BRWD1: variants seen among roughly 807,000 people sequenced by gnomAD.
BRWD1 encodes the protein bromodomain and WD repeat domain containing 1.
A neutral mutation model predicts 251.2 loss-of-function variants in BRWD1; 82 were observed. The ratio of observed to expected loss-of-function variants is 0.33; its 90% CI spans 0.27 to 0.39. The LOEUF (loss-of-function observed/expected upper bound fraction) is 0.39. Ranked by LOEUF, BRWD1 falls within the 10% of genes least tolerant of loss-of-function variation. The probability of loss-of-function intolerance (pLI) is 1.00; values close to 1 mark genes in which losing one functional copy is unlikely to be tolerated. For synonymous variants in BRWD1, 918 were observed against 902.8 expected, an observed-to-expected ratio of 1.02 and a Z score of -0.30; for missense variants, 2,233 against 2,711.6, an observed-to-expected ratio of 0.82 and a Z score of 3.92.
At chr21:39,207,562 A>AAAAAGGTGC (rs1002811547) in intron 36 of BRWD1, among the ~76,000 whole-genome samples, 25 of 152,004 alleles carry the variant, frequency 1.6e-4, no homozygotes, top group African/African-American at 5.6e-4. Flanking sequence ...GCGGGAATGT[A>AAAAAGGTGC]AAAAGGTGCA....
chr21:39,277,482 T>C, intron 10 of BRWD1, 131 bp from the exon 11 acceptor site: 1 of 582,116 alleles, frequency 1.7e-6, no homozygotes. Context: ...CAGTTACATT[T>C]TCTGACTCAC....
chr21:39,320,638 A>G (rs903767709), intron 1 of BRWD1, among the ~76,000 whole-genome samples: 1 of 149,590 alleles, frequency 6.7e-6, no homozygotes, highest in Non-Finnish European at 1.5e-5. Flanking sequence ...CAAGCCGTTA[A>G]TCTCTTTTCA....
In BRWD1 at chr21:39,228,901, A is replaced by G. The variant is rs538272812; in HGVS notation, c.3126-319T>C. On this transcript the variant is annotated intron_variant, in intron 26 of 40. Coordinates refer to ENST00000342449, the MANE Select transcript of BRWD1 (RefSeq NM_033656.4). ...TATGCCTCATACTCTGCCAAGTCAC[A>G]TATTAAGACATTCAATCAAACCATC... Among the ~76,000 whole-genome samples the G allele has an allele frequency of 2.0e-5, 3 of 152,312 alleles. No individual in the cohort carries two copies. The East Asian group carries it at 5.8e-4, about 29-fold the overall frequency.
intron 20 of BRWD1, among the ~76,000 whole-genome samples, chr21:39,249,598 C>T (rs2034321692): frequency 6.6e-6 from 1 of 152,188 alleles, no homozygotes; most frequent in African/African-American, 2.4e-5. Flanking sequence ...ATATTCCTTA[C>T]ATTTATGCAC....
At position 39,212,656 on chromosome 21, in the gene BRWD1, A is replaced by G; in HGVS notation, c.3900+10T>C. 1 of 1,553,808 alleles carries G rather than the reference A, an allele frequency of 6.4e-7. No homozygotes were observed. Among genetic ancestry groups the G allele is most frequent in the African/African-American group, 1.4e-5 (1 of 72,744 alleles). On this transcript the variant is annotated intron_variant, in intron 34 of 40. Coordinates refer to ENST00000342449, the MANE Select transcript of BRWD1 (RefSeq NM_033656.4). Reference sequence around the variant, plus strand: ...GAAACTACAAAAGTCAACCATGCAGAGTAACTTACTCTCCTCCTTCCAGAA... The same window carrying G: ...GAAACTACAAAAGTCAACCATGCAGGGTAACTTACTCTCCTCCTTCCAGAA...
chr21:39,244,516 G>A (rs1170695028), intron 21 of BRWD1, among the ~76,000 whole-genome samples: 1 of 152,186 alleles, frequency 6.6e-6, no homozygotes, highest in African/African-American at 2.4e-5. Context: ...ATTTAGAATA[G>A]TGCCTCCCAG....
At chr21:39,220,923 C>T (rs1327639069) in intron 29 of BRWD1, among the ~76,000 whole-genome samples, 5 of 151,884 alleles carry the variant, frequency 3.3e-5, no homozygotes, top group African/African-American at 4.8e-5. Flanking sequence ...TTTGGGATGC[C>T]GAGGCAGGGG....
intron 36 of BRWD1, among the ~76,000 whole-genome samples, chr21:39,209,108 A>G (rs1487029906): frequency 2.0e-5 from 3 of 152,148 alleles, no homozygotes; most frequent in East Asian, 1.9e-4. Context: ...GCAAAGAATG[A>G]GCCTGCTGAC....
intron 27 of BRWD1, 40 bp downstream of exon 27, chr21:39,228,460 A>T: frequency 7.2e-7 from 1 of 1,381,984 alleles, no homozygotes; most frequent in Non-Finnish European, 1.0e-6. Context: ...AAACAGATTA[A>T]TTTTTAAGGG....
chr21:39,274,800 GGGAGGCCAAGGTGGGT>G (rs1381680032), intron 12 of BRWD1, among the ~76,000 whole-genome samples: 2 of 152,194 alleles, frequency 1.3e-5, no homozygotes, highest in African/African-American at 4.8e-5. Context: ...CCAGCACTTT[GGGAGGCCAAGGTGGGT>G]GGATCACAAG....
chr21:39,270,001 T>A lies in BRWD1; in HGVS notation c.1428A>T (p.Thr476=). 1 of 1,594,204 alleles carries A rather than the reference T, an allele frequency of 6.3e-7. No homozygotes were observed. Residue 476 remains threonine, a synonymous_variant, in exon 15 of 41, where the codon ACA becomes ACT. Coordinates refer to ENST00000342449, the MANE Select transcript of BRWD1 (RefSeq NM_033656.4). ...GHADEVFVLE[T]HPFDSRIMLS... ...ACATAATTCTGGAATCAAAGGGATG[T>A]GTCTCCAGAACAAATACTTCATCAG...
At chr21:39,296,761 C>T in intron 5 of BRWD1, 2 of 933,348 alleles carry the variant, frequency 2.1e-6, no homozygotes, top group Non-Finnish European at 2.6e-6. Flanking sequence ...AAAACCAGAT[C>T]TTTTGACTCC....
Position 39,312,910 on chromosome 21 carries a change from C to A in BRWD1, c.139-10G>T. The A allele has an allele frequency of 6.6e-7, 1 of 1,521,868 alleles. No homozygotes were observed. Among genetic ancestry groups the A allele is most frequent in the Non-Finnish European group, 8.8e-7 (1 of 1,131,194 alleles). The allele number at this position is 1,521,868 out of a possible 1,614,324, so 94.3% of individuals were successfully genotyped here. On this transcript the variant is annotated splice_polypyrimidine_tract_variant and intron_variant, in intron 3 of 40. Coordinates refer to ENST00000342449, the MANE Select transcript of BRWD1 (RefSeq NM_033656.4). Reference sequence around the variant, plus strand: ...ATCTCTTCGGCAACAACTGGAAAGACACGAAACGCACACGAGTGACCACCC... The same window carrying A: ...ATCTCTTCGGCAACAACTGGAAAGAAACGAAACGCACACGAGTGACCACCC...
At position 39,194,739 on chromosome 21, in the gene BRWD1, GA is replaced by G. The variant is rs1461707558; in HGVS notation, c.*1519del. 9.8e-6 allele frequency: 15 copies of G among 1,535,172 alleles called. No individual in the cohort carries two copies. The highest frequency in any genetic ancestry group is 1.3e-5 in the Non-Finnish European group (15 of 1,146,066). The stretch of plus-strand genomic sequence containing the variant: ...TCTGCCACTTCAAAGATACACAGGA[GA>G]AAAGGTTTTGTCTGAAACCAAACAC... On this transcript the variant is annotated 3_prime_UTR_variant, in exon 41 of 41. Coordinates refer to ENST00000342449, the MANE Select transcript of BRWD1 (RefSeq NM_033656.4).
rs1007231562 is a variant in BRWD1, at chr21:39,313,615, A to G, written c.-124T>C. On this transcript the variant is annotated 5_prime_UTR_variant, in exon 1 of 41. It removes an upstream start codon present in the reference 5' UTR. Coordinates refer to ENST00000342449, the MANE Select transcript of BRWD1 (RefSeq NM_033656.4). ...CGCCGCCGCCGCCGCCGCCGCCGCC[A>G]TACCGTGCGCGCCGCCTGGACCGAC... 4.1e-6 allele frequency: 3 copies of G among 739,650 alleles called. No individual in the cohort carries two copies. Among genetic ancestry groups the G allele is most frequent in the South Asian group, 4.6e-5 (1 of 21,676 alleles). 45.8% of individuals were successfully genotyped at this position (739,650 alleles called of 1,614,324 possible). A position where few individuals can be genotyped will look rare whatever the true frequency, so the allele number is the denominator to read the frequency against.
chr21:39,206,461 T>C (rs2032394464), intron 36 of BRWD1, among the ~76,000 whole-genome samples, 187 bp from the exon 37 acceptor site: 1 of 152,206 alleles, frequency 6.6e-6, no homozygotes. Flanking sequence ...ATCAAATACA[T>C]ACCTCTCAGA....
At chr21:39,298,288 T>C in intron 5 of BRWD1, 144 bp downstream of exon 5, 2 of 1,331,460 alleles carry the variant, frequency 1.5e-6, no homozygotes, top group South Asian at 2.7e-5. Flanking sequence ...CAATGTTCTA[T>C]GCTAAATGCA....
intron 29 of BRWD1, among the ~76,000 whole-genome samples, chr21:39,219,982 A>G (rs936901433): frequency 6.6e-6 from 1 of 152,180 alleles, no homozygotes; most frequent in African/African-American, 2.4e-5. Flanking sequence ...ATTTTATCTC[A>G]TCAAAAGGAA....
chr21:39,248,685 T>TAAAAAAAAAAAAAAAAG (rs2034291830), intron 20 of BRWD1, among the ~76,000 whole-genome samples: 1 of 100,846 alleles, frequency 9.9e-6, no homozygotes, highest in South Asian at 3.4e-4. Flanking sequence ...AAAAAAACAC[T>TAAAAAAAAAAAAAAAAG]GGGGGGTGGA....
Sources: allele counts gnomAD v4.1 joint callset (sites outside exome capture counted in the v4.1 genomes callset), GRCh38; gene constraint gnomAD v4.1.1; transcripts MANE v1.5; gene names NCBI Gene and HGNC (gene_info 2026-07-23, HGNC 2026-07-21).